ERAP1: variants seen among roughly 807,000 people sequenced by gnomAD.
ERAP1 encodes adipocyte-derived leucine aminopeptidase.
A neutral mutation model predicts 103.7 loss-of-function variants in ERAP1; 86 were observed. The ratio of observed to expected loss-of-function variants is 0.83; its 90% CI spans 0.70 to 0.99. The LOEUF is 0.99. ERAP1 is among the 50% of genes least tolerant of loss of function. ERAP1 has a pLI of 0.00. For synonymous variants in ERAP1, 398 were observed against 402.4 expected (o/e 0.99, Z 0.13); for missense variants, 1,009 against 1,128.4 (o/e 0.89, Z 1.52).
At chr5:96,830,431 G>C in the ERAP1 span, among the ~76,000 whole-genome samples, 1 of 152,190 alleles carries the variant, frequency 6.6e-6, no homozygotes, top group Non-Finnish European at 1.5e-5. Flanking sequence ...CAGGGAACGT[G>C]AGCAAGGATG....
chr5:96,850,429 A>C, the ERAP1 span, among the ~76,000 whole-genome samples: 1 of 152,140 alleles, frequency 6.6e-6, no homozygotes, highest in Non-Finnish European at 1.5e-5. Flanking sequence ...ATAGACAAAA[A>C]ACCTGCATAG....
chr5:96,783,694 G>A (rs769379640), intron 14 of ERAP1, among the ~76,000 whole-genome samples: 1 of 152,078 alleles, frequency 6.6e-6, no homozygotes, highest in Non-Finnish European at 1.5e-5. Context: ...ACAAATCCAT[G>A]CAAATTAAAT....
At chr5:96,881,458 C>G in the ERAP1 span, 3 of 456,204 alleles carry the variant, frequency 6.6e-6, no homozygotes, top group South Asian at 4.6e-5. Context: ...CTTGGTTTCC[C>G]AGGGCCAGGA....
At chr5:96,762,632 A>G in exon 20 of ERAP1, 1 of 386,834 alleles carries the variant, frequency 2.6e-6, no homozygotes, top group Non-Finnish European at 4.6e-6. Context: ...ATAAGAATTG[A>G]AAGTGCAATA....
chr5:96,825,133 CTCTT>C, the ERAP1 span, among the ~76,000 whole-genome samples: 1 of 152,216 alleles, frequency 6.6e-6, no homozygotes, highest in Non-Finnish European at 1.5e-5. Context: ...CTGTGTCTCT[CTCTT>C]TCTAAGCACT....
At chr5:96,933,043 T>C in the ERAP1 span, among the ~76,000 whole-genome samples, 1 of 152,174 alleles carries the variant, frequency 6.6e-6, no homozygotes, top group Non-Finnish European at 1.5e-5. Flanking sequence ...TAATGGGTTT[T>C]GGTTGTGAAA....
rs1777027076 is a variant in ERAP1, at chr5:96,793,953, A to C, written c.924T>G (p.Leu308=). The change falls in exon 6 of 19, where the codon CTT becomes CTG. Residue 308 remains leucine, a synonymous_variant. Transcript: ENST00000443439. The part of the protein sequence containing the change: ...SIPYPLPKQD[L]AAIPDFQSGA... ...CAGACTGAAAGTCGGGAATAGCAGC[A>C]AGATCTTGGGAAGGAAGTAATAAAA... 6.2e-7 allele frequency: 1 copy of C among 1,614,072 alleles called. No homozygotes were observed.
Position 96,774,617 on chromosome 5 carries a change from T to C in ERAP1, c.*1779A>G. On this transcript the variant is annotated 3_prime_UTR_variant, in exon 19 of 19. Transcript: ENST00000443439. ...TTCCTCAGGTGACCAAAACTGAAAA[T>C]CAATATTTCCATGTTTCATTAATCA... 1 of 985,426 alleles carries C rather than the reference T, an allele frequency of 1.0e-6. No homozygotes were observed. Among genetic ancestry groups the C allele is most frequent in the Non-Finnish European group, 1.2e-6 (1 of 829,814 alleles). The allele number at this position is 985,426 out of a possible 1,614,324, so 61.0% of individuals were successfully genotyped here. A position where few individuals can be genotyped will look rare whatever the true frequency, so the allele number is the denominator to read the frequency against.
chr5:96,766,242 A>G (rs1769896476), intron 19 of ERAP1: 1 of 677,152 alleles, frequency 1.5e-6, no homozygotes, highest in Non-Finnish European at 2.6e-6. Flanking sequence ...CCTTTACAAT[A>G]GCATAAAACA....
the ERAP1 span, among the ~76,000 whole-genome samples, chr5:96,826,361 G>A: frequency 5.9e-5 from 9 of 152,200 alleles, no homozygotes; most frequent in Admixed American, 5.9e-4. Flanking sequence ...TATTTGGGCA[G>A]AGAGAATTTC....
intron 19 of ERAP1, chr5:96,765,344 A>G: frequency 9.5e-7 from 1 of 1,052,482 alleles, no homozygotes; most frequent in Non-Finnish European, 1.4e-6. Context: ...AAAAAAAAAA[A>G]AAAAAAAAAT....
At chr5:96,833,404 A>G in the ERAP1 span, among the ~76,000 whole-genome samples, 3 of 152,184 alleles carry the variant, frequency 2.0e-5, no homozygotes, top group African/African-American at 7.2e-5. Context: ...TTGGAAATGT[A>G]TGTTTGTTTA....
At chr5:96,890,282 T>C in the ERAP1 span, among the ~76,000 whole-genome samples, 1 of 152,240 alleles carries the variant, frequency 6.6e-6, no homozygotes, top group Non-Finnish European at 1.5e-5. Flanking sequence ...CCTCAGAGCA[T>C]TGGGCATTAG....
chr5:96,769,272 A>G (rs187418772), intron 19 of ERAP1: 9 of 152,184 alleles, frequency 5.9e-5, no homozygotes, highest in East Asian at 3.9e-4. Context: ...ACCCCTGGTA[A>G]CTCGTAAGTA....
At chr5:96,780,692 G>T (rs1775041654) in intron 17 of ERAP1, among the ~76,000 whole-genome samples, 188 bp from the exon 18 acceptor site, 1 of 152,198 alleles carries the variant, frequency 6.6e-6, no homozygotes, top group South Asian at 2.1e-4. Context: ...CCTAATAAAA[G>T]GTTAAGTATC....
At chr5:96,883,583 C>T in the ERAP1 span, among the ~76,000 whole-genome samples, 1 of 152,066 alleles carries the variant, frequency 6.6e-6, no homozygotes, top group South Asian at 2.1e-4. Flanking sequence ...TTAGCATTCC[C>T]AAAACAGGGC....
chr5:96,875,417 C>T, the ERAP1 span, among the ~76,000 whole-genome samples: 2 of 151,224 alleles, frequency 1.3e-5, no homozygotes, highest in Non-Finnish European at 3.0e-5. Flanking sequence ...ATGCCTGTAG[C>T]CCCAGCTACT....
chr5:96,882,891 T>C, the ERAP1 span, among the ~76,000 whole-genome samples: 1 of 152,192 alleles, frequency 6.6e-6, no homozygotes, highest in African/African-American at 2.4e-5. Flanking sequence ...AGCTATTCTA[T>C]TCCCCCCTCC....
At chr5:96,827,866 C>A in the ERAP1 span, among the ~76,000 whole-genome samples, 3 of 152,122 alleles carry the variant, frequency 2.0e-5, no homozygotes, top group Admixed American at 6.5e-5. Context: ...TTGGTTGAAA[C>A]CCTGTGAGGA....
Sources: allele counts gnomAD v4.1 joint callset (sites outside exome capture counted in the v4.1 genomes callset), GRCh38; gene constraint gnomAD v4.1.1; transcripts MANE v1.5; gene names NCBI Gene and HGNC (gene_info 2026-07-23, HGNC 2026-07-21).